The following ARIH1 variants were observed in gnomAD, a reference collection of about 807,000 sequenced individuals.
The protein encoded by ARIH1 is ariadne RBR E3 ubiquitin protein ligase 1.
Under a neutral mutation model 85.0 loss-of-function variants are expected in ARIH1, and 8 were observed. The observed-to-expected ratio is 0.09, with a 90% CI of 0.06 to 0.17. The LOEUF (loss-of-function observed/expected upper bound fraction) is 0.17. Among genes scored for constraint, ARIH1 ranks in the 10% least tolerant of loss-of-function variants. The pLI is 1.00. For synonymous variants in ARIH1, 238 were observed against 253.6 expected (o/e 0.94, Z 0.59); for missense variants, 311 against 718.1 (o/e 0.43, Z 6.48).
At chr15:72,509,520 A>G (rs1595856609) in intron 1 of ARIH1, among the ~76,000 whole-genome samples, 1 of 151,524 alleles carries the variant, frequency 6.6e-6, no homozygotes, top group East Asian at 1.9e-4. Context: ...GTTTAGTCAA[A>G]CCCTCCCCCA....
At chr15:72,491,606 A>C (rs1181792098) in intron 1 of ARIH1, among the ~76,000 whole-genome samples, 7 of 152,176 alleles carry the variant, frequency 4.6e-5, no homozygotes, top group African/African-American at 1.7e-4. Context: ...TCTTGGTACT[A>C]TCCCCATTTT....
intron 1 of ARIH1, 61 bp downstream of exon 1, chr15:72,475,075 C>A: frequency 6.5e-7 from 1 of 1,539,508 alleles, no homozygotes; most frequent in Non-Finnish European, 8.8e-7. Context: ...TCAGGCGGCA[C>A]GCGCGGTCCC....
At chr15:72,526,378 C>G (rs1055473262) in intron 2 of ARIH1, among the ~76,000 whole-genome samples, 2 of 152,100 alleles carry the variant, frequency 1.3e-5, no homozygotes, top group Non-Finnish European at 2.9e-5. Flanking sequence ...GCCTCTTAGT[C>G]TGTAGTTTAA....
intron 11 of ARIH1, among the ~76,000 whole-genome samples, chr15:72,573,700 A>G (rs1235425477): frequency 1.3e-5 from 2 of 151,650 alleles, no homozygotes; most frequent in Non-Finnish European, 2.9e-5. Flanking sequence ...ATTTATTATA[A>G]TATTATTTAA....
rs776206252 is a variant in ARIH1 at position 72,601,437 on chromosome 15, T to C, written c.*18145T>C. 12 of 152,280 alleles carry C rather than the reference T, an allele frequency of 7.9e-5. No individual in the cohort carries two copies. Among genetic ancestry groups the C allele is most frequent in the Non-Finnish European group, 1.8e-4 (12 of 68,078 alleles). The allele number at this position is 152,280 out of a possible 1,614,324, so 9.4% of individuals were successfully genotyped here. On this transcript the variant is annotated 3_prime_UTR_variant, in exon 14 of 14. Transcript: ENST00000379887. ...CCAACCCTGTTACCTTTTTCTCTTT[T>C]CACACTGGTCTTCATTCTGTGCTGC... is the stretch of plus-strand genomic sequence containing the variant.
At chr15:72,475,115 C>A in intron 1 of ARIH1, 101 bp downstream of exon 1, 1 of 1,472,106 alleles carries the variant, frequency 6.8e-7, no homozygotes. Context: ...GGTGCGCAGC[C>A]TAGCCCGGTG....
intron 2 of ARIH1, among the ~76,000 whole-genome samples, chr15:72,535,282 C>T (rs2064077235): frequency 6.6e-6 from 1 of 152,148 alleles, no homozygotes; most frequent in Admixed American, 6.5e-5. Flanking sequence ...CATTTACCAA[C>T]TTGTTTCAAC....
rs2064337919 is a variant in ARIH1, at chr15:72,590,364, A to T, written c.*7072A>T. 6.6e-6 allele frequency: 1 copy of T among 152,238 alleles called. No homozygotes were observed. Among genetic ancestry groups the T allele is most frequent in the Non-Finnish European group, 1.5e-5 (1 of 68,056 alleles). 9.4% of individuals were successfully genotyped at this position (152,238 alleles called of 1,614,324 possible). ...AACCTAAGATTGTCCTGGAAACTTA[A>T]TTCTTATCTTGGCTCATCTCTTCAA... On this transcript the variant is annotated 3_prime_UTR_variant, in exon 14 of 14. Coordinates refer to ENST00000379887, the MANE Select transcript of ARIH1 (RefSeq NM_005744.5).
rs2064320435 is a variant in ARIH1, at chr15:72,587,143, T to G, written c.*3851T>G. ...AAAACAAGTGGAGAAGAAATTGCCA[T>G]TTTTTATAAAGGAGGAAGATAAGGC... On this transcript the variant is annotated 3_prime_UTR_variant, in exon 14 of 14. Transcript: ENST00000379887. 1 of 460,820 alleles carries G rather than the reference T, an allele frequency of 2.2e-6. No homozygotes were observed. The highest frequency in any genetic ancestry group is 1.6e-5 in the South Asian group (1 of 62,720). The allele number at this position is 460,820 out of a possible 1,614,324, so 28.5% of individuals were successfully genotyped here.
chr15:72,543,109 A>G (rs2064115076), intron 2 of ARIH1, among the ~76,000 whole-genome samples: 1 of 151,180 alleles, frequency 6.6e-6, no homozygotes, highest in South Asian at 2.1e-4. Context: ...ATTTTTTTGT[A>G]TTTTTAGTAG....
chr15:72,572,990 G>A (rs1240750169), intron 11 of ARIH1, among the ~76,000 whole-genome samples: 1 of 152,060 alleles, frequency 6.6e-6, no homozygotes, highest in Non-Finnish European at 1.5e-5. Context: ...TCAGTCTGGT[G>A]ATTTTATTGT....
At chr15:72,476,400 T>A (rs2063795141) in intron 1 of ARIH1, among the ~76,000 whole-genome samples, 1 of 152,234 alleles carries the variant, frequency 6.6e-6, no homozygotes. Flanking sequence ...AGTCTTGCTT[T>A]GTCGCCCAGG....
chr15:72,479,079 G>A (rs549797592), intron 1 of ARIH1, among the ~76,000 whole-genome samples: 13 of 152,028 alleles, frequency 8.6e-5, no homozygotes, highest in Non-Finnish European at 1.6e-4. Context: ...GGCCTCAAGC[G>A]CTCCTTGAAC....
At position 72,525,992 on chromosome 15, in the gene ARIH1, G is replaced by C. The variant is rs139177795; in HGVS notation, c.443+7858G>C. 2.2e-4 allele frequency among the ~76,000 whole-genome samples: 33 copies of C among 152,060 alleles called. No homozygotes were observed. In the East Asian group the frequency reaches 6.4e-3, roughly 29 times the overall value. ...AGGTTACCCATATGGTAATCCTGTAGGTATTTAGTATCCTAGGAATTGTTA... is the reference window on the plus strand; with the variant it reads ...AGGTTACCCATATGGTAATCCTGTACGTATTTAGTATCCTAGGAATTGTTA... On this transcript the variant is annotated intron_variant, in intron 2 of 13. Coordinates refer to ENST00000379887, the MANE Select transcript of ARIH1 (RefSeq NM_005744.5).
chr15:72,491,954 C>G (rs556889162), intron 1 of ARIH1, among the ~76,000 whole-genome samples: 1 of 152,270 alleles, frequency 6.6e-6, no homozygotes, highest in South Asian at 2.1e-4. Flanking sequence ...CTGCTGTGCT[C>G]CAGAAGACTG....
rs1481233131 is a variant in ARIH1 at position 72,596,430 on chromosome 15, T to C, written c.*13138T>C. ...AGATTGACTAGGGAATGTCTAGGTA[T>C]GTTTTTCTTTGTATAGAGTTTACTG... is the stretch of plus-strand genomic sequence containing the variant. On this transcript the variant is annotated 3_prime_UTR_variant, in exon 14 of 14. Coordinates refer to ENST00000379887, the MANE Select transcript of ARIH1 (RefSeq NM_005744.5). 6.6e-6 allele frequency: 1 copy of C among 152,212 alleles called. No individual in the cohort carries two copies. The highest frequency in any genetic ancestry group is 2.4e-5 in the African/African-American group (1 of 41,456). 9.4% of individuals were successfully genotyped at this position (152,212 alleles called of 1,614,324 possible).
At chr15:72,561,900 G>A (rs1298994741) in intron 6 of ARIH1, among the ~76,000 whole-genome samples, 1 of 152,214 alleles carries the variant, frequency 6.6e-6, no homozygotes, top group African/African-American at 2.4e-5. Flanking sequence ...TTGAACCCTG[G>A]AGGCAGAGGT....
At chr15:72,568,471 G>T (rs2064230377) in intron 9 of ARIH1, among the ~76,000 whole-genome samples, 1 of 152,098 alleles carries the variant, frequency 6.6e-6, no homozygotes, top group African/African-American at 2.4e-5. Flanking sequence ...TTTAAAATAG[G>T]GAGTACAGGC....
In ARIH1 at chr15:72,584,596, G is replaced by A. The variant is rs1317335612; in HGVS notation, c.*1304G>A. On this transcript the variant is annotated 3_prime_UTR_variant, in exon 14 of 14. Coordinates refer to ENST00000379887, the MANE Select transcript of ARIH1 (RefSeq NM_005744.5). The stretch of plus-strand genomic sequence containing the variant: ...AATGGTGGATACCGAAATTGCTTGT[G>A]TGTGTTGCTGTGGGTTTGGTTTGAA... 1 of 152,080 alleles carries A rather than the reference G, an allele frequency of 6.6e-6. No individual in the cohort carries two copies. Among genetic ancestry groups the A allele is most frequent in the Non-Finnish European group, 1.5e-5 (1 of 68,020 alleles). 9.4% of individuals were successfully genotyped at this position (152,080 alleles called of 1,614,324 possible).
Sources: gnomAD v4.1 joint callset for allele counts (sites outside exome capture counted in the v4.1 genomes callset) on GRCh38, gnomAD v4.1.1 for gene constraint, MANE v1.5 for transcripts, NCBI Gene and HGNC (gene_info 2026-07-23, HGNC 2026-07-21) for gene names.